Variants in TAF6 observed in about 807,000 individuals in gnomAD.
The protein encoded by TAF6 is transcription initiation factor TFIID subunit 6.
Under a neutral mutation model 73.5 loss-of-function variants are expected in TAF6, and 50 were observed. That is an observed-to-expected ratio of 0.68 (90% CI 0.54 to 0.86). The LOEUF is 0.86. TAF6 is among the 40% of genes least tolerant of loss of function. The pLI, the probability that TAF6 is intolerant of heterozygous loss-of-function variation, is 0.00. For synonymous variants in TAF6, 424 were observed against 376.7 expected, an observed-to-expected ratio of 1.13 and a Z score of -1.45; for missense variants, 768 against 899.5, an observed-to-expected ratio of 0.85 and a Z score of 1.87.
chr7:100,126,298 C>T, the TAF6 span, among the ~76,000 whole-genome samples: 3 of 151,912 alleles, frequency 2.0e-5, no homozygotes, highest in South Asian at 2.1e-4. Flanking sequence ...GCTGAGATCA[C>T]GCCACTGCAC....
upstream of TAF6, among the ~76,000 whole-genome samples, chr7:100,123,140 G>A (rs755471607): frequency 5.3e-5 from 8 of 152,012 alleles, no homozygotes; most frequent in South Asian, 1.0e-3. Flanking sequence ...TCATAAGTTC[G>A]AGACCAGCCT....
chr7:100,108,567 G>C, intron 12 of TAF6, 27 bp from the exon 13 acceptor site: 2 of 1,574,038 alleles, frequency 1.3e-6, no homozygotes, highest in Non-Finnish European at 1.7e-6. Context: ...AAGCCAGGTA[G>C]AGGGAGGGCT....
Position 100,111,985 on chromosome 7 carries a change from G to A in TAF6, c.735C>T (p.Ser245=), listed in dbSNP as rs1334511637. ...GATACAGTCCAGGGTCCGTGGCAAT[G>A]CTTTGCAGGGCTTCCTGTGGGAGGA... ...CEAKRAEALQ[S]IATDPGLYQM... is the part of the protein sequence containing the mutation. Residue 245 remains serine, a synonymous_variant, in exon 8 of 15, where the codon AGC becomes AGT. Coordinates refer to ENST00000453269, the MANE Select transcript of TAF6 (RefSeq NM_139315.3). The A allele has an allele frequency of 2.5e-6, 4 of 1,613,954 alleles. No individual in the cohort carries two copies. The highest frequency in any genetic ancestry group is 3.4e-6 in the Non-Finnish European group (4 of 1,179,986).
At chr7:100,122,709 A>C, upstream of TAF6, 1 of 1,563,580 alleles carries the variant, frequency 6.4e-7, no homozygotes, top group Non-Finnish European at 8.7e-7. Context: ...GTAGTTGACA[A>C]AACTGAAATG....
rs1304199047 is a variant in TAF6 at position 100,107,987 on chromosome 7, G to C, written c.1595C>G (p.Ser532Cys). 1.9e-6 allele frequency: 3 copies of C among 1,614,056 alleles called. No homozygotes were observed. In the East Asian group the frequency reaches 6.7e-5, roughly 36 times the overall value. The change falls in exon 14 of 15, where the codon TCC becomes TGC. Residue 532 changes from serine to cysteine, a missense_variant. Ser to Cys is a moderately radical substitution (Grantham distance 112, BLOSUM62 -1). Transcript: ENST00000453269. ...TACAATAAACTTGGTTGGAGGAGGG[G>C]AAGGCTGTGGTGGGGCAGCCGCTCG... is the stretch of plus-strand genomic sequence containing the variant. The part of the protein sequence containing the change: ...SARAAAPPQP[S>C]PPPTKFIVMS...
chr7:100,124,945 G>A, the TAF6 span: 2 of 1,521,240 alleles, frequency 1.3e-6, no homozygotes, highest in South Asian at 2.6e-5. Flanking sequence ...TCTAAAGCCT[G>A]CACTCTCCCT....
chr7:100,108,196 C>A, intron 13 of TAF6, 73 bp from the exon 14 acceptor site: 1 of 1,488,016 alleles, frequency 6.7e-7, no homozygotes, highest in Non-Finnish European at 9.0e-7. Context: ...GAGGCCTGGG[C>A]TCCCCTCGCT....
chr7:100,117,018 T>G (rs1797723469), intron 1 of TAF6, among the ~76,000 whole-genome samples: 1 of 151,910 alleles, frequency 6.6e-6, no homozygotes, highest in Admixed American at 6.6e-5. Flanking sequence ...GAGGCCGAGG[T>G]GGGCAGATCA....
Position 100,114,251 on chromosome 7 carries a change from G to A in TAF6, c.-42C>T, listed in dbSNP as rs549883780. Reference sequence around the variant, plus strand: ...TCCTCCCTGGAAGGATGAAGCCCCCGGTGGAGAGACGGAGACCCTGGCAGA... The same window carrying A: ...TCCTCCCTGGAAGGATGAAGCCCCCAGTGGAGAGACGGAGACCCTGGCAGA... On this transcript the variant is annotated 5_prime_UTR_variant, in exon 2 of 15. Transcript: ENST00000453269. The A allele has an allele frequency of 8.2e-5, 132 of 1,613,788 alleles. No homozygotes were observed. In the Admixed American group the frequency reaches 8.3e-4, roughly 10 times the overall value.
chr7:100,110,135 T>C, intron 11 of TAF6, 62 bp from the exon 12 acceptor site: 1 of 1,613,854 alleles, frequency 6.2e-7, no homozygotes, highest in Non-Finnish European at 8.5e-7. Flanking sequence ...CAGATGGGGG[T>C]ACAGTGCCCT....
chr7:100,113,349 C>A lies in TAF6; in HGVS notation c.454G>T (p.Ala152Ser). 1 of 1,591,596 alleles carries A rather than the reference C, an allele frequency of 6.3e-7. No homozygotes were observed. Among genetic ancestry groups the A allele is most frequent in the Non-Finnish European group, 8.6e-7 (1 of 1,169,186 alleles). ...CCAGAGGGTGGGGCATGGAGGTTAC[C>A]TGGGGGCGGGTTCTCGGGGATAGCT... ...QPAIPENPPPAPKEQQKAEAT... is the reference protein window; with the variant it reads ...QPAIPENPPPSPKEQQKAEAT... The change falls in exon 5 of 15, where the codon GCT (alanine) becomes TCT (serine). Residue 152 changes from alanine (A) to serine (S), a missense_variant and splice_region_variant. Transcript: ENST00000453269.
rs1264948033 is a variant in TAF6, at chr7:100,112,293, A to T, written c.575-40T>A. On this transcript the variant is annotated intron_variant, in intron 6 of 14. Transcript: ENST00000453269. ...AGGTGGGTCTGACAAAGAAAGCTCC[A>T]GAAGAAACCTCAGTAACAGAAGAAC... 1.9e-6 allele frequency: 3 copies of T among 1,595,272 alleles called. No individual in the cohort carries two copies. The African/African-American group carries it at 4.1e-5, about 22-fold the overall frequency.
At chr7:100,113,463 C>G (rs1172232087) in intron 4 of TAF6, 58 bp from the exon 5 acceptor site, 3 of 1,532,300 alleles carry the variant, frequency 2.0e-6, no homozygotes, top group Non-Finnish European at 2.6e-6. Flanking sequence ...GGGAGTTGCC[C>G]CATGCTATGG....
upstream of TAF6, chr7:100,124,412 A>T: frequency 1.2e-6 from 1 of 850,154 alleles, no homozygotes; most frequent in Non-Finnish European, 1.9e-6. Flanking sequence ...CTTCCTGGCT[A>T]CCTGCCTCTC....
intron 12 of TAF6, among the ~76,000 whole-genome samples, chr7:100,109,324 C>CA (rs765091540): frequency 2.0e-3 from 223 of 109,460 alleles, no homozygotes; most frequent in Non-Finnish European, 2.4e-3. Flanking sequence ...GACTCCATCT[C>CA]AAAAAAAAAA....
intron 1 of TAF6, among the ~76,000 whole-genome samples, chr7:100,114,944 G>A (rs1797551785): frequency 6.6e-6 from 1 of 152,154 alleles, no homozygotes; most frequent in Admixed American, 6.5e-5. Flanking sequence ...GAGCCCAGGA[G>A]CTCCTAGGCT....
chr7:100,117,970 C>T lies in TAF6; in HGVS notation c.-60+1234G>A, dbSNP rs531624366. Among the ~76,000 whole-genome samples the T allele has an allele frequency of 1.2e-4, 17 of 147,726 alleles. No homozygotes were observed. In the South Asian group the frequency reaches 2.2e-3, roughly 19 times the overall value. ...CTGAGGCAGGAGAATGGCGTGAGCC[C>T]GGGAGGCGGAGCTTGCAGTGAGCCG... is the stretch of plus-strand genomic sequence containing the variant. On this transcript the variant is annotated intron_variant, in intron 1 of 14. Coordinates refer to ENST00000453269, the MANE Select transcript of TAF6 (RefSeq NM_139315.3).
At position 100,107,388 on chromosome 7, in the gene TAF6, G is replaced by A. The variant is rs148250440; in HGVS notation, c.1892C>T (p.Pro631Leu). 193 of 1,596,356 alleles carry A rather than the reference G, an allele frequency of 1.2e-4. No homozygotes were observed. Among genetic ancestry groups the A allele is most frequent in the African/African-American group, 4.0e-4 (30 of 74,592 alleles). ...PTSHPSPVPP[P>L]ASSPSPLSGS... is the part of the protein sequence containing the mutation. Reference sequence around the variant, plus strand: ...GCTGAGTGGGGACGGGGACGATGCCGGGGGAGGAACTGGAGAAGGATGGGA... The same window carrying A: ...GCTGAGTGGGGACGGGGACGATGCCAGGGGAGGAACTGGAGAAGGATGGGA... Residue 631 changes from proline to leucine, a missense_variant, in exon 15 of 15, where the codon CCG (proline) becomes CTG (leucine). Coordinates refer to ENST00000453269, the MANE Select transcript of TAF6 (RefSeq NM_139315.3).
chr7:100,119,324 C>T lies in TAF6; in HGVS notation c.-180G>A. Reference sequence around the variant, plus strand: ...AACTCTAGCGGCAGCCGAGACGCTGCTCACCCGGCGCTCGGCGCCATCTTG... The same window carrying T: ...AACTCTAGCGGCAGCCGAGACGCTGTTCACCCGGCGCTCGGCGCCATCTTG... On this transcript the variant is annotated 5_prime_UTR_variant, in exon 1 of 15. Coordinates refer to ENST00000453269, the MANE Select transcript of TAF6 (RefSeq NM_139315.3). The T allele has an allele frequency of 9.7e-7, 1 of 1,035,050 alleles. No homozygotes were observed. The highest frequency in any genetic ancestry group is 3.1e-5 in the South Asian group (1 of 31,944). The allele number at this position is 1,035,050 out of a possible 1,614,324, so 64.1% of individuals were successfully genotyped here. A position where few individuals can be genotyped will look rare whatever the true frequency, so the allele number is the denominator to read the frequency against.
Sources: gnomAD v4.1 joint callset for allele counts (sites outside exome capture counted in the v4.1 genomes callset) on GRCh38, gnomAD v4.1.1 for gene constraint, MANE v1.5 for transcripts, NCBI Gene and HGNC (gene_info 2026-07-23, HGNC 2026-07-21) for gene names.